Variants in SYT14 observed in about 807,000 individuals in gnomAD.
The protein encoded by SYT14 is synaptotagmin 14, also known as synaptotagmin-14.
A neutral mutation model predicts 74.2 loss-of-function variants in SYT14; 32 were observed. The ratio of observed to expected loss-of-function variants is 0.43; its 90% CI spans 0.33 to 0.58. SYT14 has a LOEUF of 0.58. Ranked by LOEUF, SYT14 falls within the 20% of genes least tolerant of loss-of-function variation. SYT14 has a pLI of 0.05. For synonymous variants in SYT14, 298 were observed against 337.7 expected (o/e 0.88, Z 1.29); for missense variants, 791 against 981.8 (o/e 0.81, Z 2.60).
chr1:210,093,409 A>T (rs1045507380), intron 5 of SYT14, among the ~76,000 whole-genome samples: 3 of 152,196 alleles, frequency 2.0e-5, no homozygotes, highest in African/African-American at 7.2e-5. Context: ...TATTGCATTC[A>T]GGATTTATCT....
intron 1 of SYT14, 38 bp from the exon 2 acceptor site, chr1:209,952,671 T>G: frequency 6.5e-7 from 1 of 1,531,916 alleles, no homozygotes; most frequent in Non-Finnish European, 9.0e-7. Flanking sequence ...TCATGCTACT[T>G]TCTATGTTTT....
At chr1:210,028,867 A>G (rs924189557) in intron 5 of SYT14, among the ~76,000 whole-genome samples, 2 of 152,122 alleles carry the variant, frequency 1.3e-5, no homozygotes, top group Non-Finnish European at 2.9e-5. Context: ...CACAGTGACT[A>G]TACTATTTTA....
intron 6 of SYT14, among the ~76,000 whole-genome samples, chr1:210,097,702 A>T (rs1227176959): frequency 6.6e-6 from 1 of 152,244 alleles, no homozygotes; most frequent in Non-Finnish European, 1.5e-5. Context: ...AAAGTAGTAT[A>T]CATTAACACA....
intron 5 of SYT14, among the ~76,000 whole-genome samples, chr1:210,060,266 G>T (rs1195343622): frequency 6.6e-6 from 1 of 152,028 alleles, no homozygotes; most frequent in African/African-American, 2.4e-5. Context: ...TAGGCAATGC[G>T]ATCTAAGGTA....
intron 2 of SYT14, among the ~76,000 whole-genome samples, chr1:209,961,521 A>T (rs2079075285): frequency 6.6e-6 from 1 of 152,118 alleles, no homozygotes; most frequent in Non-Finnish European, 1.5e-5. Flanking sequence ...AAATTCTTTG[A>T]GTCTCAGTTT....
chr1:210,100,296 T>G (rs753278297), exon 7 of SYT14: 1 of 1,614,136 alleles, frequency 6.2e-7, no homozygotes, highest in Non-Finnish European at 8.5e-7. Flanking sequence ...TTAATCATGT[T>G]GAATCTGAGA....
chr1:210,042,596 A>G (rs1047697646), intron 5 of SYT14, among the ~76,000 whole-genome samples: 3 of 152,060 alleles, frequency 2.0e-5, no homozygotes, highest in Non-Finnish European at 4.4e-5. Context: ...AGTTTTCCCA[A>G]CACCATTTAT....
rs114733464 is a variant in SYT14, at chr1:210,147,519, G to C, written c.2035-8202G>C. Reference sequence around the variant, plus strand: ...AGAATATATAAGGGAACAACAATTTGACCAACAGCAGACTTCTCAACAGCT... The same window carrying C: ...AGAATATATAAGGGAACAACAATTTCACCAACAGCAGACTTCTCAACAGCT... On this transcript the variant is annotated intron_variant, in intron 7 of 9. Coordinates refer to ENST00000637265, the Ensembl canonical transcript of SYT14. 6.9e-3 allele frequency among the ~76,000 whole-genome samples: 1,051 copies of C among 152,238 alleles called. 12 individuals are homozygous for C. The highest frequency in any genetic ancestry group is 0.021 in the African/African-American group (875 of 41,542).
intron 2 of SYT14, among the ~76,000 whole-genome samples, chr1:209,982,804 A>T (rs2079509643): frequency 6.6e-6 from 1 of 152,182 alleles, no homozygotes; most frequent in African/African-American, 2.4e-5. Context: ...GCCATGTTGC[A>T]TTTACGGCAG....
At chr1:210,081,153 G>A (rs1558176140) in intron 5 of SYT14, among the ~76,000 whole-genome samples, 1 of 152,210 alleles carries the variant, frequency 6.6e-6, no homozygotes, top group Non-Finnish European at 1.5e-5. Context: ...TGGAGCAGGA[G>A]CTGGATGTCT....
chr1:210,008,663 T>TA (rs922790469), intron 2 of SYT14, among the ~76,000 whole-genome samples: 3 of 152,168 alleles, frequency 2.0e-5, no homozygotes, highest in African/African-American at 7.2e-5. Context: ...ACACCTGGCC[T>TA]AAATGAAGAT....
chr1:209,970,434 A>G (rs777159847), intron 2 of SYT14, among the ~76,000 whole-genome samples: 24 of 151,968 alleles, frequency 1.6e-4, no homozygotes, highest in Non-Finnish European at 3.4e-4. Flanking sequence ...CTGTTTTTGT[A>G]TCAGTACCAT....
intron 5 of SYT14, among the ~76,000 whole-genome samples, chr1:210,091,946 A>G (rs2081876755): frequency 6.6e-6 from 1 of 152,208 alleles, no homozygotes; most frequent in South Asian, 2.1e-4. Context: ...TTCTAAGAAA[A>G]AAGGTAAAGG....
At chr1:209,980,613 T>G (rs916063829) in intron 2 of SYT14, among the ~76,000 whole-genome samples, 1 of 152,202 alleles carries the variant, frequency 6.6e-6, no homozygotes, top group African/African-American at 2.4e-5. Flanking sequence ...TTATCTCAAG[T>G]TGATTTTTGT....
At chr1:210,117,717 GAAAC>G (rs932428145) in intron 7 of SYT14, among the ~76,000 whole-genome samples, 11 of 152,160 alleles carry the variant, frequency 7.2e-5, no homozygotes, top group African/African-American at 2.4e-4. Context: ...GTGAAAAGAA[GAAAC>G]AAACAGGTCA....
At chr1:210,128,031 T>C (rs952986560) in intron 7 of SYT14, among the ~76,000 whole-genome samples, 2 of 151,994 alleles carry the variant, frequency 1.3e-5, no homozygotes, top group African/African-American at 4.8e-5. Flanking sequence ...TCCATCTCAG[T>C]AAAATAAAAT....
In SYT14 at chr1:209,995,308, A is replaced by G. The variant is rs546725789; in HGVS notation, c.-485-18325A>G. Among the ~76,000 whole-genome samples the G allele has an allele frequency of 3.9e-5, 6 of 152,306 alleles. No individual in the cohort carries two copies. In the East Asian group the frequency reaches 1.2e-3, roughly 29 times the overall value. On this transcript the variant is annotated intron_variant, in intron 2 of 9. Transcript: ENST00000637265. Reference sequence around the variant, plus strand: ...AAGGGATGGAGAAAGATATGCAAACAGAAACCAAAAAAAGAGCAGAAGTCA... The same window carrying G: ...AAGGGATGGAGAAAGATATGCAAACGGAAACCAAAAAAAGAGCAGAAGTCA...
At chr1:210,035,298 A>T (rs943108334) in intron 5 of SYT14, among the ~76,000 whole-genome samples, 5 of 151,838 alleles carry the variant, frequency 3.3e-5, no homozygotes, top group African/African-American at 1.2e-4. Context: ...CATTCCTCGT[A>T]GATTCTGGAT....
At chr1:210,016,438 C>A in exon 4 of SYT14, 7 of 1,231,968 alleles carry the variant, frequency 5.7e-6, no homozygotes, top group Non-Finnish European at 6.1e-6. Context: ...CTTTGAAAGG[C>A]TACATGAATA....
Sources: allele counts gnomAD v4.1 joint callset (sites outside exome capture counted in the v4.1 genomes callset), GRCh38; gene constraint gnomAD v4.1.1; transcripts MANE v1.5; gene names NCBI Gene and HGNC (gene_info 2026-07-23, HGNC 2026-07-21).